Variants in MSH6 observed in about 807,000 individuals in gnomAD.
MSH6 encodes the protein mutS homolog 6.
MSH6 carries 85 observed loss-of-function variants against 119.1 expected under a neutral mutation model. The ratio of observed to expected loss-of-function variants is 0.71; its 90% CI spans 0.60 to 0.85. The LOEUF is 0.85. Ranked by LOEUF, MSH6 falls within the 40% of genes least tolerant of loss-of-function variation. The probability of loss-of-function intolerance (pLI) is 0.00; values close to 1 mark genes in which losing one functional copy is unlikely to be tolerated. For missense variants in MSH6, 2,163 were observed against 1,655.3 expected, an observed-to-expected ratio of 1.31 and a Z score of -5.32; for synonymous variants, 830 against 586.9, an observed-to-expected ratio of 1.41 and a Z score of -5.99.
rs752239740 is a variant in MSH6, at chr2:47,799,756, A to G, written c.1773A>G (p.Pro591=). The change falls in exon 4 of 10, where the codon CCA becomes CCG. Residue 591 remains proline (P), a synonymous_variant. Coordinates refer to ENST00000234420, the MANE Select transcript of MSH6 (RefSeq NM_000179.3). ...RFRTLVAHYP[P]VQVLFEKGNL... is the part of the protein sequence containing the mutation. The stretch of plus-strand genomic sequence containing the variant: ...GGACTCTAGTGGCACACTATCCCCC[A>G]GTACAAGTTTTATTTGAAAAAGGAA... The G allele has an allele frequency of 2.5e-5, 40 of 1,614,208 alleles. No individual in the cohort carries two copies. The highest frequency in any genetic ancestry group is 2.2e-5 in the Non-Finnish European group (26 of 1,180,024).
In MSH6 at chr2:47,790,956, G is replaced by C. The variant is rs752680756; in HGVS notation, c.290G>C (p.Trp97Ser). Residue 97 changes from tryptophan (W) to serine (S), a missense_variant, in exon 2 of 10, where the codon TGG (tryptophan) becomes TCG (serine). By Grantham distance (177) the Trp-to-Ser change is radical. Transcript: ENST00000234420. Reference protein sequence around the residue: ...SCDFSPGDLVWAKMEGYPWWP... With the variant: ...SCDFSPGDLVSAKMEGYPWWP... The stretch of plus-strand genomic sequence containing the variant: ...GACTTCTCACCAGGAGATTTGGTTT[G>C]GGCCAAGATGGAGGGTTACCCCTGG... The C allele has an allele frequency of 6.2e-7, 1 of 1,614,162 alleles. No individual in the cohort carries two copies. Among genetic ancestry groups the C allele is most frequent in the Non-Finnish European group, 8.5e-7 (1 of 1,180,044 alleles).
chr2:47,808,750 TCAAA>T (rs553703717), downstream of MSH6: 2 of 303,486 alleles, frequency 6.6e-6, no homozygotes, highest in East Asian at 5.9e-5. Flanking sequence ...CTGGGATATA[TCAAA>T]CACTTAACCC....
intron 5 of MSH6, among the ~76,000 whole-genome samples, chr2:47,804,233 C>T (rs3136354): frequency 0.58 from 87,647 of 151,922 alleles, 26,318 homozygotes; most frequent in East Asian, 0.87. Context: ...GCCTCAGCCT[C>T]CCCAGTAGCT....
intron 3 of MSH6, among the ~76,000 whole-genome samples, chr2:47,796,333 C>G (rs1255689509): frequency 6.6e-6 from 1 of 152,056 alleles, no homozygotes; most frequent in East Asian, 1.9e-4. Flanking sequence ...AAGTAGAGAG[C>G]TAGGGACAGT....
intron 5 of MSH6, 112 bp downstream of exon 5, chr2:47,803,797 A>C (rs1558388060): frequency 2.3e-5 from 29 of 1,247,022 alleles, no homozygotes; most frequent in Non-Finnish European, 3.2e-5. Flanking sequence ...CAGTGACTTA[A>C]TAGGAAGCAA....
At chr2:47,806,115 T>C (rs766405405) in intron 7 of MSH6, 89 bp from the exon 8 acceptor site, 2 of 1,282,106 alleles carry the variant, frequency 1.6e-6, no homozygotes, top group Non-Finnish European at 2.2e-6. Flanking sequence ...CTAACCGATG[T>C]TGCTTTTCTG....
chr2:47,803,723 T>C (rs1362379152), intron 5 of MSH6, 38 bp downstream of exon 5: 13 of 1,612,390 alleles, frequency 8.1e-6, no homozygotes, highest in African/African-American at 1.3e-5. Flanking sequence ...AGAAAGTCAT[T>C]TGTGACATTA....
rs1254951576 is a variant in MSH6 at position 47,783,399 on chromosome 2, G to C, written c.166G>C (p.Gly56Arg). 6.4e-7 allele frequency: 1 copy of C among 1,568,194 alleles called. No individual in the cohort carries two copies. Among genetic ancestry groups the C allele is most frequent in the Non-Finnish European group, 8.6e-7 (1 of 1,157,310 alleles). Residue 56 changes from glycine to arginine, a missense_variant, in exon 1 of 10, where the codon GGG becomes CGG. By Grantham distance (125) the Gly-to-Arg change is moderately radical. Coordinates refer to ENST00000234420, the MANE Select transcript of MSH6 (RefSeq NM_000179.3). ...TGCGGCCTGGAGCGAGGCTGGGCCT[G>C]GGCCCAGGCCCTTGGCGCGCTCCGC... The part of the protein sequence containing the change: ...GDAAWSEAGP[G>R]PRPLARSASP...
At chr2:47,788,569 T>C (rs1381001982) in intron 1 of MSH6, among the ~76,000 whole-genome samples, 2 of 141,204 alleles carry the variant, frequency 1.4e-5, no homozygotes, top group African/African-American at 5.3e-5. Flanking sequence ...TTTTTCTTTT[T>C]CTTTTTTTTT....
chr2:47,798,477 A>T (rs1267112728), intron 3 of MSH6, 134 bp from the exon 4 acceptor site: 1 of 871,774 alleles, frequency 1.1e-6, no homozygotes, highest in Non-Finnish European at 1.8e-6. Flanking sequence ...AATTCATCGA[A>T]TACTGTACTA....
intron 1 of MSH6, among the ~76,000 whole-genome samples, chr2:47,786,718 TC>T (rs1465377446): frequency 6.8e-6 from 1 of 147,906 alleles, no homozygotes; most frequent in African/African-American, 2.5e-5. Context: ...TTTTGCTGTT[TC>T]TTTTTTTTTT....
chr2:47,806,193 T>A lies in MSH6; in HGVS notation c.3647-11T>A. The A allele has an allele frequency of 6.2e-7, 1 of 1,613,500 alleles. No homozygotes were observed. The highest frequency in any genetic ancestry group is 8.5e-7 in the Non-Finnish European group (1 of 1,179,458). On this transcript the variant is annotated splice_polypyrimidine_tract_variant and intron_variant, in intron 7 of 9. Transcript: ENST00000234420. ...TTGAGTTACTTCCTTATGCATATTT[T>A]ACTTTAACAGGAAGAGGTACTGCAA... is the stretch of plus-strand genomic sequence containing the variant.
chr2:47,801,120 A>G lies in MSH6; in HGVS notation c.3137A>G (p.Asp1046Gly), dbSNP rs587779931. Residue 1046 changes from aspartate to glycine, a missense_variant, in exon 4 of 10, where the codon GAC (aspartate) becomes GGC (glycine). By Grantham distance (94) the Asp-to-Gly change is moderately conservative. Coordinates refer to ENST00000234420, the MANE Select transcript of MSH6 (RefSeq NM_000179.3). ...TATAACTTTGATAAAAATTACAAGG[A>G]CTGGCAGTCTGCTGTAGAGTGTATC... Reference protein sequence around the residue: ...LFYNFDKNYKDWQSAVECIAV... With the variant: ...LFYNFDKNYKGWQSAVECIAV... 1 of 1,612,486 alleles carries G rather than the reference A, an allele frequency of 6.2e-7. No homozygotes were observed. Among genetic ancestry groups the G allele is most frequent in the Non-Finnish European group, 8.5e-7 (1 of 1,179,942 alleles).
chr2:47,809,874 C>G, downstream of MSH6: 2 of 553,042 alleles, frequency 3.6e-6, no homozygotes, highest in East Asian at 3.0e-5. Context: ...CAGTAACATT[C>G]ACTTATCAAT....
chr2:47,802,552 G>A (rs1340129764), intron 4 of MSH6, among the ~76,000 whole-genome samples: 1 of 150,664 alleles, frequency 6.6e-6, no homozygotes, highest in East Asian at 2.0e-4. Context: ...GGCTGTTCTT[G>A]AATTCCTGAC....
downstream of MSH6, chr2:47,808,985 C>CCA: frequency 4.0e-6 from 2 of 501,526 alleles, no homozygotes; most frequent in Non-Finnish European, 7.0e-6. Context: ...GCATAAGCCA[C>CCA]CACGCCTACC....
At chr2:47,807,139 G>C, downstream of MSH6, 1 of 402,706 alleles carries the variant, frequency 2.5e-6, no homozygotes, top group Non-Finnish European at 4.5e-6. Context: ...CTATGAAACT[G>C]TATAGGGCTG....
downstream of MSH6, chr2:47,809,370 C>A: frequency 3.9e-6 from 3 of 779,140 alleles, no homozygotes; most frequent in Non-Finnish European, 6.0e-6. Flanking sequence ...TTTTTAAGAG[C>A]TTTAAATGAA....
intron 4 of MSH6, among the ~76,000 whole-genome samples, chr2:47,802,909 G>A (rs1293127446): frequency 1.3e-5 from 2 of 151,994 alleles, no homozygotes; most frequent in Non-Finnish European, 2.9e-5. Flanking sequence ...CTGCTGTTTT[G>A]TGTTTGTTTT....
Sources: gnomAD v4.1 joint callset for allele counts (sites outside exome capture counted in the v4.1 genomes callset) on GRCh38, gnomAD v4.1.1 for gene constraint, MANE v1.5 for transcripts, NCBI Gene and HGNC (gene_info 2026-07-23, HGNC 2026-07-21) for gene names.